The following KMT2C variants were observed in gnomAD, a reference collection of about 807,000 sequenced individuals.
KMT2C encodes lysine methyltransferase 2C, also known as histone-lysine N-methyltransferase 2C.
Under a neutral mutation model 507.9 loss-of-function variants are expected in KMT2C, and 88 were observed. The ratio of observed to expected loss-of-function variants is 0.17; its 90% CI spans 0.15 to 0.21. The LOEUF (loss-of-function observed/expected upper bound fraction) is 0.21. Ranked by LOEUF, KMT2C falls within the 10% of genes least tolerant of loss-of-function variation. The pLI, the probability that KMT2C is intolerant of heterozygous loss-of-function variation, is 1.00. For missense variants in KMT2C, 4,954 were observed against 5,957.8 expected (o/e 0.83, Z 5.55); for synonymous variants, 2,049 against 2,080.8 (o/e 0.98, Z 0.42).
In KMT2C at chr7:152,198,920, G is replaced by A. The variant is rs376289862; in HGVS notation, c.4273+359C>T. Among the ~76,000 whole-genome samples, 10 of 152,032 alleles carry A rather than the reference G, an allele frequency of 6.6e-5. No individual in the cohort carries two copies. The East Asian group carries it at 9.7e-4, about 15-fold the overall frequency. On this transcript the variant is annotated intron_variant, in intron 27 of 58. Transcript: ENST00000262189. ...TCCCAAGTACCCCCACATCCATTTC[G>A]GTTTCTCTGTTTTGAATTTAAGCTG...
At chr7:152,290,298 T>A (rs865994871) in intron 6 of KMT2C, among the ~76,000 whole-genome samples, 253 of 25,404 alleles carry the variant, frequency 1.0e-2, no homozygotes, top group African/African-American at 0.015. Context: ...ATATATATTT[T>A]TTTTTTTTTT....
At chr7:152,136,958 C>G (rs2089923727) in intron 58 of KMT2C, 34 bp from the exon 59 acceptor site, 2 of 1,536,374 alleles carry the variant, frequency 1.3e-6, no homozygotes, top group South Asian at 1.1e-5. Flanking sequence ...TAAGAAAGGA[C>G]AGCAAGGAAG....
intron 1 of KMT2C, among the ~76,000 whole-genome samples, chr7:152,378,979 TCTTCAAAAAA>T (rs2097349655): frequency 6.6e-6 from 1 of 152,106 alleles, no homozygotes; most frequent in Non-Finnish European, 1.5e-5. Flanking sequence ...CTTTCTCCCA[TCTTCAAAAAA>T]CTTCCCCCGC....
In KMT2C at chr7:152,192,704, T is replaced by C. The variant is rs376757564; in HGVS notation, c.4660+1305A>G. Reference sequence around the variant, plus strand: ...TAAAAACACAAATATTTCCATTATGTGCATTATGGAATTTTCATGTATATA... The same window carrying C: ...TAAAAACACAAATATTTCCATTATGCGCATTATGGAATTTTCATGTATATA... On this transcript the variant is annotated intron_variant, in intron 31 of 58. Transcript: ENST00000262189. Among the ~76,000 whole-genome samples, 4 of 152,326 alleles carry C rather than the reference T, an allele frequency of 2.6e-5. No individual in the cohort carries two copies. The East Asian group carries it at 5.8e-4, about 22-fold the overall frequency.
chr7:152,140,786 A>G (rs1053018779), intron 55 of KMT2C, among the ~76,000 whole-genome samples: 2 of 152,166 alleles, frequency 1.3e-5, no homozygotes, highest in African/African-American at 4.8e-5. Flanking sequence ...CATGTGAGAG[A>G]CTTTAGTATG....
At chr7:152,173,036 C>T (rs2093035292) in intron 39 of KMT2C, among the ~76,000 whole-genome samples, 1 of 151,934 alleles carries the variant, frequency 6.6e-6, no homozygotes, top group Non-Finnish European at 1.5e-5. Context: ...CACTGGAATC[C>T]AAAAATATTC....
intron 16 of KMT2C, among the ~76,000 whole-genome samples, chr7:152,233,933 G>A (rs927101378): frequency 1.4e-4 from 22 of 152,154 alleles, no homozygotes; most frequent in African/African-American, 4.6e-4. Flanking sequence ...CCAGGAGTTC[G>A]AGACCAGCCT....
chr7:152,347,748 C>T (rs2097073626), intron 2 of KMT2C, among the ~76,000 whole-genome samples: 1 of 152,126 alleles, frequency 6.6e-6, no homozygotes, highest in African/African-American at 2.4e-5. Context: ...TGGTAGTAAA[C>T]AATAAAACAG....
intron 23 of KMT2C, among the ~76,000 whole-genome samples, chr7:152,208,841 T>C (rs1261754253): frequency 6.6e-6 from 1 of 152,214 alleles, no homozygotes; most frequent in Non-Finnish European, 1.5e-5. Flanking sequence ...AATCTGATAA[T>C]GGCTATCGGC....
At chr7:152,152,976 G>A (rs2091758113) in intron 48 of KMT2C, 22 bp from the exon 49 acceptor site, 1 of 1,611,042 alleles carries the variant, frequency 6.2e-7, no homozygotes, top group Non-Finnish European at 8.5e-7. Context: ...TGCAAATGCT[G>A]TATTATTCAC....
chr7:152,349,456 AAAGAG>A (rs1184389578), intron 2 of KMT2C, among the ~76,000 whole-genome samples: 1 of 152,286 alleles, frequency 6.6e-6, no homozygotes, highest in Admixed American at 6.5e-5. Context: ...AAAGAAAAGA[AAAGAG>A]AAAAGAAAAA....
chr7:152,388,328 G>A (rs2097452443), intron 1 of KMT2C, among the ~76,000 whole-genome samples: 1 of 152,064 alleles, frequency 6.6e-6, no homozygotes, highest in Non-Finnish European at 1.5e-5. Flanking sequence ...GAATGCCGAG[G>A]TGGGTGGACC....
chr7:152,391,929 T>C (rs2097502387), intron 1 of KMT2C, among the ~76,000 whole-genome samples: 1 of 152,170 alleles, frequency 6.6e-6, no homozygotes, highest in Non-Finnish European at 1.5e-5. Context: ...ATCATATACA[T>C]ACATAAATTT....
intron 26 of KMT2C, 130 bp downstream of exon 26, chr7:152,202,804 T>C: frequency 1.3e-6 from 1 of 779,326 alleles, no homozygotes; most frequent in Non-Finnish European, 2.0e-6. Flanking sequence ...AAAAATGGCA[T>C]TTATGATGAC....
chr7:152,159,089 G>C lies in KMT2C; in HGVS notation c.11461-17C>G. 6.2e-7 allele frequency: 1 copy of C among 1,611,178 alleles called. No homozygotes were observed. Among genetic ancestry groups the C allele is most frequent in the Non-Finnish European group, 8.5e-7 (1 of 1,177,556 alleles). On this transcript the variant is annotated splice_polypyrimidine_tract_variant and intron_variant, in intron 43 of 58. Transcript: ENST00000262189. ...CAAAGTTTGCTAATGTAATTGGAAA[G>C]GGTAAAAAATAAGTGAACAATTTGC...
At chr7:152,314,353 A>C (rs2096703595) in intron 4 of KMT2C, among the ~76,000 whole-genome samples, 1 of 152,134 alleles carries the variant, frequency 6.6e-6, no homozygotes, top group Non-Finnish European at 1.5e-5. Context: ...AGCTAAATTA[A>C]TTTTTACACA....
intron 3 of KMT2C, among the ~76,000 whole-genome samples, chr7:152,317,570 A>G (rs540023243): frequency 1.3e-5 from 2 of 152,366 alleles, no homozygotes; most frequent in African/African-American, 4.8e-5. Context: ...GCAGGGTGAT[A>G]AGAACTCAGT....
chr7:152,264,719 T>G (rs2095834831), intron 8 of KMT2C, among the ~76,000 whole-genome samples: 2 of 152,078 alleles, frequency 1.3e-5, no homozygotes, highest in South Asian at 4.1e-4. Context: ...TAATATCGCT[T>G]ATTTTTTAAA....
intron 32 of KMT2C, 21 bp downstream of exon 32, chr7:152,187,694 C>G: frequency 6.3e-7 from 1 of 1,599,394 alleles, no homozygotes; most frequent in Non-Finnish European, 8.5e-7. Context: ...TTTAAGTTTC[C>G]ATAGAAAATA....
Sources: allele counts gnomAD v4.1 joint callset (sites outside exome capture counted in the v4.1 genomes callset), GRCh38; gene constraint gnomAD v4.1.1; transcripts MANE v1.5; gene names NCBI Gene and HGNC (gene_info 2026-07-23, HGNC 2026-07-21).